Variants in DCC observed in about 807,000 individuals in gnomAD.
DCC encodes the protein DCC netrin 1 receptor.
A neutral mutation model predicts 172.5 loss-of-function variants in DCC; 58 were observed. The ratio of observed to expected loss-of-function variants is 0.34; its 90% CI spans 0.27 to 0.42. The LOEUF is 0.42. DCC is among the 10% of genes least tolerant of loss of function. The pLI, the probability that DCC is intolerant of heterozygous loss-of-function variation, is 1.00. For synonymous variants in DCC, 709 were observed against 644.5 expected, an observed-to-expected ratio of 1.10 and a Z score of -1.52; for missense variants, 1,740 against 1,791.0, an observed-to-expected ratio of 0.97 and a Z score of 0.51.
chr18:52,919,115 G>A (rs756114054), intron 3 of DCC, among the ~76,000 whole-genome samples: 7 of 152,106 alleles, frequency 4.6e-5, no homozygotes, highest in African/African-American at 1.7e-4. Context: ...TATTCTCCAC[G>A]TGACTTTCTG....
chr18:52,389,979 A>C (rs1474872583), intron 1 of DCC, among the ~76,000 whole-genome samples: 1 of 152,072 alleles, frequency 6.6e-6, no homozygotes, highest in South Asian at 2.1e-4. Context: ...CCAATTTTTC[A>C]TATAGAGAGA....
intron 2 of DCC, among the ~76,000 whole-genome samples, chr18:52,860,938 G>A (rs1415867551): frequency 7.9e-5 from 12 of 151,274 alleles, no homozygotes; most frequent in Non-Finnish European, 1.5e-4. Context: ...ACCTGCGGGC[G>A]GAGGTTGCAG....
At position 52,784,941 on chromosome 18, in the gene DCC, GAGAGAGAGAC is replaced by G. The variant is rs1346248112; in HGVS notation, c.412+32577_412+32586del. ...GAGAGAGAAGAGAAGGGGGGAGAGA[GAGAGAGAGAC>G]AGAGAGAGAGAGACATGTCCAAAAA... On this transcript the variant is annotated intron_variant, in intron 2 of 28. Transcript: ENST00000442544. Among the ~76,000 whole-genome samples, 1,029 of 150,708 alleles carry G rather than the reference GAGAGAGAGAC, an allele frequency of 6.8e-3. 14 individuals are homozygous for G. Among genetic ancestry groups the G allele is most frequent in the African/African-American group, 0.024 (972 of 40,656 alleles).
At chr18:53,008,387 CT>C (rs2041676725) in intron 5 of DCC, among the ~76,000 whole-genome samples, 1 of 152,022 alleles carries the variant, frequency 6.6e-6, no homozygotes, top group South Asian at 2.1e-4. Flanking sequence ...GAAACTGAAA[CT>C]TTTAAACATT....
intron 5 of DCC, among the ~76,000 whole-genome samples, chr18:53,022,124 G>A (rs1348643444): frequency 5.3e-5 from 8 of 152,062 alleles, no homozygotes; most frequent in Non-Finnish European, 1.2e-4. Flanking sequence ...ATATTATAAT[G>A]TATATGTTTG....
chr18:53,214,749 G>A (rs2055819137), intron 11 of DCC, among the ~76,000 whole-genome samples: 1 of 152,080 alleles, frequency 6.6e-6, no homozygotes. Context: ...ATCTAGAGTA[G>A]TTCCTGACAC....
chr18:53,144,867 T>C (rs916690146), intron 7 of DCC, among the ~76,000 whole-genome samples: 11 of 152,106 alleles, frequency 7.2e-5, no homozygotes, highest in African/African-American at 2.7e-4. Context: ...TTTTACAATG[T>C]TTTCAGTTTG....
At chr18:53,122,804 C>G (rs1197927081) in intron 7 of DCC, among the ~76,000 whole-genome samples, 1 of 151,996 alleles carries the variant, frequency 6.6e-6, no homozygotes. Context: ...TGTGAAAGCC[C>G]TATTTTGGGT....
At chr18:53,009,039 A>T (rs1380716416) in intron 5 of DCC, among the ~76,000 whole-genome samples, 31 of 151,954 alleles carry the variant, frequency 2.0e-4, no homozygotes, top group Admixed American at 2.0e-3. Context: ...GAATACTCTA[A>T]TCATCATCAT....
At chr18:52,643,597 T>G (rs759804609) in intron 1 of DCC, among the ~76,000 whole-genome samples, 16 of 152,296 alleles carry the variant, frequency 1.1e-4, no homozygotes, top group Non-Finnish European at 2.1e-4. Context: ...GTCCACTGCT[T>G]AGGAACTGAT....
chr18:52,714,645 C>T (rs2036348493), intron 1 of DCC, among the ~76,000 whole-genome samples: 1 of 152,132 alleles, frequency 6.6e-6, no homozygotes, highest in Non-Finnish European at 1.5e-5. Flanking sequence ...TTTATAGGCA[C>T]ACTCATCCCT....
Position 52,596,879 on chromosome 18 carries a change from G to A in DCC, c.92-155175G>A, listed in dbSNP as rs74596852. The stretch of plus-strand genomic sequence containing the variant: ...GCCTGGCTTAAGTTTGAATGCCTTG[G>A]GCCATTCAGGAGTCTCCGTGTTTGT... On this transcript the variant is annotated intron_variant, in intron 1 of 28. Coordinates refer to ENST00000442544, the MANE Select transcript of DCC (RefSeq NM_005215.4). Among the ~76,000 whole-genome samples, 487 of 152,172 alleles carry A rather than the reference G, an allele frequency of 3.2e-3. 7 individuals are homozygous for A. Among genetic ancestry groups the A allele is most frequent in the East Asian group, 0.026 (133 of 5,144 alleles).
chr18:53,003,862 C>T (rs116225382), intron 5 of DCC, among the ~76,000 whole-genome samples: 2 of 152,068 alleles, frequency 1.3e-5, no homozygotes, highest in African/African-American at 4.8e-5. Context: ...ATATTTAACC[C>T]ATTCTGTGTC....
intron 1 of DCC, among the ~76,000 whole-genome samples, chr18:52,614,257 C>G (rs2034334402): frequency 6.6e-6 from 1 of 152,184 alleles, no homozygotes; most frequent in Non-Finnish European, 1.5e-5. Flanking sequence ...CTGTAAGTTA[C>G]TGATATTATA....
intron 5 of DCC, among the ~76,000 whole-genome samples, chr18:53,031,854 G>T (rs1030767821): frequency 3.3e-5 from 5 of 152,024 alleles, no homozygotes; most frequent in Middle Eastern, 3.2e-3. Flanking sequence ...ATAGATGTGG[G>T]AGTGTGTATG....
chr18:52,577,226 C>T (rs563997363), intron 1 of DCC, among the ~76,000 whole-genome samples: 2 of 152,332 alleles, frequency 1.3e-5, no homozygotes, highest in African/African-American at 4.8e-5. Context: ...CAGTCACCTG[C>T]ATTGTCAGAC....
intron 1 of DCC, among the ~76,000 whole-genome samples, chr18:52,369,130 T>C (rs1598867974): frequency 6.6e-6 from 1 of 152,172 alleles, no homozygotes; most frequent in South Asian, 2.1e-4. Flanking sequence ...CAAGAATGAA[T>C]TTGGTGGTAT....
At chr18:52,661,903 G>A (rs2035367536) in intron 1 of DCC, among the ~76,000 whole-genome samples, 1 of 152,098 alleles carries the variant, frequency 6.6e-6, no homozygotes, top group Non-Finnish European at 1.5e-5. Context: ...TAAAATAAGG[G>A]AGAAACTTTC....
At chr18:52,350,350 C>T (rs1055874007) in intron 1 of DCC, among the ~76,000 whole-genome samples, 3 of 152,094 alleles carry the variant, frequency 2.0e-5, no homozygotes, top group African/African-American at 4.8e-5. Flanking sequence ...TATTGATTTG[C>T]GTATGTTGAA....
Sources: allele counts gnomAD v4.1 joint callset (sites outside exome capture counted in the v4.1 genomes callset), GRCh38; gene constraint gnomAD v4.1.1; transcripts MANE v1.5; gene names NCBI Gene and HGNC (gene_info 2026-07-23, HGNC 2026-07-21).